Variants in ATPAF1 observed in about 807,000 individuals in gnomAD.
ATPAF1 encodes ATP synthase mitochondrial F1 complex assembly factor 1.
ATPAF1 carries 26 observed loss-of-function variants against 43.9 expected under a neutral mutation model. That is an observed-to-expected ratio of 0.59 (90% CI 0.43 to 0.82). The LOEUF (loss-of-function observed/expected upper bound fraction) is 0.82. Ranked by LOEUF, ATPAF1 falls within the 40% of genes least tolerant of loss-of-function variation. The pLI is 0.00. For synonymous variants in ATPAF1, 157 were observed against 168.0 expected (o/e 0.93, Z 0.50); for missense variants, 366 against 435.0 (o/e 0.84, Z 1.41).
intron 4 of ATPAF1, 44 bp downstream of exon 4, chr1:46,658,074 GTTCACAGAA>G: frequency 2.6e-6 from 4 of 1,527,672 alleles, no homozygotes; most frequent in Non-Finnish European, 3.6e-6. Context: ...TTCAGATTTG[GTTCACAGAA>G]TTCACATTTT....
chr1:46,663,756 T>A, intron 2 of ATPAF1: 1 of 872,474 alleles, frequency 1.1e-6, no homozygotes, highest in East Asian at 8.5e-5. Context: ...GCAAAAAAAG[T>A]ATTTTCCAAG....
chr1:46,652,190 AAAT>A (rs1676182260), intron 6 of ATPAF1, among the ~76,000 whole-genome samples: 1 of 147,022 alleles, frequency 6.8e-6, no homozygotes, highest in Non-Finnish European at 1.5e-5. Context: ...TGTCAATTAA[AAAT>A]AATAATAAAA....
At chr1:46,666,567 G>A (rs1368485136) in intron 1 of ATPAF1, among the ~76,000 whole-genome samples, 1 of 152,214 alleles carries the variant, frequency 6.6e-6, no homozygotes, top group African/African-American at 2.4e-5. Flanking sequence ...AAGTACAACA[G>A]GTATTATGAT....
chr1:46,635,821 T>C lies in ATPAF1; in HGVS notation c.942A>G (p.Gly314=), dbSNP rs140579145. Residue 314 remains glycine, a synonymous_variant, in exon 9 of 9, where the codon GGA becomes GGG. Transcript: ENST00000574428. ...GGGCACATTTCAGTTCTGCTCCAAG[T>C]CCGCTTTGCTCCAATTCAGCGATGA... 4.2e-4 allele frequency: 673 copies of C among 1,614,100 alleles called. 1 individual carries two copies. Among genetic ancestry groups the C allele is most frequent in the Non-Finnish European group, 4.7e-4 (549 of 1,180,042 alleles).
rs925804501 is a variant in ATPAF1 at position 46,658,121 on chromosome 1, C to A, written c.489+6G>T. ...TAGAGTAGGCCAGCCCATTTCCATTCATTACCTGTTTTATTTCTTCTGCAG... is the reference window on the plus strand; with the variant it reads ...TAGAGTAGGCCAGCCCATTTCCATTAATTACCTGTTTTATTTCTTCTGCAG... On this transcript the variant is annotated splice_donor_region_variant and intron_variant, in intron 4 of 8. Transcript: ENST00000574428. 1 of 1,609,148 alleles carries A rather than the reference C, an allele frequency of 6.2e-7. No individual in the cohort carries two copies. The highest frequency in any genetic ancestry group is 1.3e-5 in the African/African-American group (1 of 74,678).
At chr1:46,638,401 G>A (rs957660705) in intron 8 of ATPAF1, among the ~76,000 whole-genome samples, 3 of 152,160 alleles carry the variant, frequency 2.0e-5, no homozygotes, top group Non-Finnish European at 4.4e-5. Flanking sequence ...GGCGGATCAT[G>A]AGGTCAGGAG....
chr1:46,658,116 C>CCATT lies in ATPAF1; in HGVS notation c.489+7_489+10dup, dbSNP rs771983033. The stretch of plus-strand genomic sequence containing the variant: ...TTTCATAGAGTAGGCCAGCCCATTT[C>CCATT]CATTCATTACCTGTTTTATTTCTTC... On this transcript the variant is annotated intron_variant, in intron 4 of 8. Transcript: ENST00000574428. 13 of 1,608,478 alleles carry CCATT rather than the reference C, an allele frequency of 8.1e-6. No individual in the cohort carries two copies. In the Admixed American group the frequency reaches 1.7e-4, roughly 21 times the overall value.
At chr1:46,648,269 G>A (rs564784010) in intron 6 of ATPAF1, among the ~76,000 whole-genome samples, 17 of 152,002 alleles carry the variant, frequency 1.1e-4, no homozygotes, top group Non-Finnish European at 2.2e-4. Context: ...ACACCACCAC[G>A]CCTAGCTAAT....
chr1:46,645,923 C>A (rs1401469493), intron 6 of ATPAF1, among the ~76,000 whole-genome samples: 1 of 152,104 alleles, frequency 6.6e-6, no homozygotes, highest in Non-Finnish European at 1.5e-5. Context: ...ACCTGTAATT[C>A]CAGCACTTTG....
intron 6 of ATPAF1, among the ~76,000 whole-genome samples, chr1:46,650,052 G>A (rs747883239): frequency 1.6e-4 from 24 of 152,054 alleles, no homozygotes; most frequent in South Asian, 6.2e-4. Flanking sequence ...TTGAAAACCC[G>A]AGAAATCATT....
intron 6 of ATPAF1, among the ~76,000 whole-genome samples, chr1:46,650,323 A>G (rs1174575102): frequency 6.6e-6 from 1 of 152,006 alleles, no homozygotes; most frequent in East Asian, 1.9e-4. Flanking sequence ...CAGGATTTGA[A>G]GCCCATCCTG....
At chr1:46,635,719 T>C in exon 9 of ATPAF1, 1 of 1,498,464 alleles carries the variant, frequency 6.7e-7, no homozygotes, top group Non-Finnish European at 9.0e-7. Flanking sequence ...GAGGAGGGGG[T>C]GGGCTCTAGA....
At chr1:46,656,501 T>C (rs1255347607) in intron 4 of ATPAF1, among the ~76,000 whole-genome samples, 1 of 152,236 alleles carries the variant, frequency 6.6e-6, no homozygotes, top group Non-Finnish European at 1.5e-5. Flanking sequence ...TTTTCTTTTT[T>C]TGCATGTCAA....
exon 8 of ATPAF1, chr1:46,643,264 T>C (rs1285466481): frequency 6.2e-7 from 1 of 1,613,722 alleles, no homozygotes; most frequent in Non-Finnish European, 8.5e-7. Flanking sequence ...AGGATAGTGA[T>C]ATAAAATCAG....
In ATPAF1 at chr1:46,658,678, G is replaced by T. The variant is rs1272935678; in HGVS notation, c.426+9C>A. ...AAGCTTTTTTTCCTATATTTAATTAGAAACCTACCTTGTCCTTAGTGAATC... is the reference window on the plus strand; with the variant it reads ...AAGCTTTTTTTCCTATATTTAATTATAAACCTACCTTGTCCTTAGTGAATC... On this transcript the variant is annotated intron_variant, in intron 3 of 8. Transcript: ENST00000574428. 6.3e-7 allele frequency: 1 copy of T among 1,586,054 alleles called. No homozygotes were observed. The highest frequency in any genetic ancestry group is 1.8e-5 in the Admixed American group (1 of 54,324).
At position 46,658,531 on chromosome 1, in the gene ATPAF1, A is replaced by AC. The variant is rs1489822043; in HGVS notation, c.426+155dup. ...TATGCTAGGGGTCATGGTCAAGGAC[A>AC]CAAAGTTCATAGAAATATTTCTCAC... is the stretch of plus-strand genomic sequence containing the variant. On this transcript the variant is annotated intron_variant, in intron 3 of 8. Coordinates refer to ENST00000574428, the Ensembl canonical transcript of ATPAF1. 2.5e-5 allele frequency among the ~76,000 whole-genome samples: 3 copies of AC among 122,008 alleles called. No individual in the cohort carries two copies. The Admixed American group carries it at 2.5e-4, about 10-fold the overall frequency. The allele number at this position is 122,008 out of a possible 152,430, so 80.0% of individuals were successfully genotyped here. A position where few individuals can be genotyped will look rare whatever the true frequency, so the allele number is the denominator to read the frequency against.
downstream of ATPAF1, chr1:46,633,894 T>C (rs1413066657): frequency 2.2e-6 from 1 of 453,290 alleles, no homozygotes; most frequent in Non-Finnish European, 4.4e-6. Context: ...CAAAAATTCT[T>C]GGGACCCAAA....
intron 7 of ATPAF1, among the ~76,000 whole-genome samples, chr1:46,644,946 G>C (rs1280953539): frequency 6.6e-6 from 1 of 152,198 alleles, no homozygotes; most frequent in East Asian, 1.9e-4. Context: ...ACCAGAAGTA[G>C]TCAGAGAAGG....
At chr1:46,664,996 G>A (rs1310638148) in intron 2 of ATPAF1, 3 of 443,066 alleles carry the variant, frequency 6.8e-6, no homozygotes, top group East Asian at 3.9e-5. Flanking sequence ...CTACTACCAT[G>A]TGTGCCTTGC....
Sources: allele counts gnomAD v4.1 joint callset (sites outside exome capture counted in the v4.1 genomes callset), GRCh38; gene constraint gnomAD v4.1.1; transcripts MANE v1.5; gene names NCBI Gene and HGNC (gene_info 2026-07-23, HGNC 2026-07-21).